The following ZSCAN18 variants were observed in gnomAD, a reference collection of about 807,000 sequenced individuals.
The protein encoded by ZSCAN18 is zinc finger and SCAN domain containing 18.
Under a neutral mutation model 31.1 loss-of-function variants are expected in ZSCAN18, and 16 were observed. The observed-to-expected ratio is 0.51, with a 90% CI of 0.35 to 0.78. The LOEUF is 0.78. Among genes scored for constraint, ZSCAN18 ranks in the 30% least tolerant of loss-of-function variants. The pLI is 0.01. For missense variants in ZSCAN18, 731 were observed against 697.4 expected (o/e 1.05, Z -0.54); for synonymous variants, 375 against 320.7 (o/e 1.17, Z -1.81).
At chr19:58,100,637 C>T (rs1011563537), upstream of ZSCAN18, among the ~76,000 whole-genome samples, 1 of 151,944 alleles carries the variant, frequency 6.6e-6, no homozygotes, top group African/African-American at 2.4e-5. Flanking sequence ...GGGCCAGGCG[C>T]GGTGGCTCAT....
chr19:58,111,877 T>C (rs535429329), intron 1 of ZSCAN18, among the ~76,000 whole-genome samples: 1 of 152,322 alleles, frequency 6.6e-6, no homozygotes, highest in East Asian at 1.9e-4. Flanking sequence ...GTAGGACTGT[T>C]CATGGAATGC....
chr19:58,095,048 T>C (rs73941504), intron 1 of ZSCAN18, among the ~76,000 whole-genome samples: 8,276 of 152,160 alleles, frequency 0.054, 749 homozygotes, highest in African/African-American at 0.19. Flanking sequence ...CACAGCAAGA[T>C]CCTGTCTCTA....
intron 1 of ZSCAN18, among the ~76,000 whole-genome samples, chr19:58,112,356 A>G (rs2074690078): frequency 6.6e-6 from 1 of 152,126 alleles, no homozygotes; most frequent in Non-Finnish European, 1.5e-5. Flanking sequence ...GCATGATTAA[A>G]AAACATACTC....
chr19:58,090,660 G>A lies in ZSCAN18; in HGVS notation c.-119-274C>T. 3.2e-6 allele frequency: 1 copy of A among 310,360 alleles called. No individual in the cohort carries two copies. The allele number at this position is 310,360 out of a possible 1,614,324, so 19.2% of individuals were successfully genotyped here. On this transcript the variant is annotated intron_variant, in intron 1 of 6. Transcript: ENST00000601144. The surrounding 1 kb of genome is among the most constrained non-coding windows in gnomAD (Gnocchi z 4.7). The stretch of plus-strand genomic sequence containing the variant: ...GCTGGAGTGCAGTGGCGCAATCTCG[G>A]CTCAATGCAACCTCTACCTCCCGGG...
At chr19:58,108,469 T>C (rs2074653409) in intron 1 of ZSCAN18, 1 of 985,572 alleles carries the variant, frequency 1.0e-6, no homozygotes, top group South Asian at 4.7e-5. Context: ...TTGGTAAAGG[T>C]GGAGCCAGCA....
intron 1 of ZSCAN18, chr19:58,092,598 A>C (rs2074436283): frequency 8.7e-6 from 5 of 577,196 alleles, no homozygotes; most frequent in Non-Finnish European, 1.1e-5. Flanking sequence ...AAAAAAAAGA[A>C]CCAGAAGTTT....
At chr19:58,093,788 C>T (rs1423997337) in intron 1 of ZSCAN18, among the ~76,000 whole-genome samples, 2 of 151,566 alleles carry the variant, frequency 1.3e-5, no homozygotes, top group African/African-American at 2.4e-5. Context: ...TTTTTGGAGA[C>T]GGAGTCTCGC....
At position 58,085,227 on chromosome 19, in the gene ZSCAN18, T is replaced by G. The variant is rs1046391060; in HGVS notation, c.991A>C (p.Lys331Gln). The G allele has an allele frequency of 1.2e-6, 2 of 1,607,796 alleles. No homozygotes were observed. The highest frequency in any genetic ancestry group is 2.7e-5 in the African/African-American group (2 of 74,828). Reference sequence around the variant, plus strand: ...TGGGGGTCCTGCGGGTCCGGGGCCTTCCCAGGCTGCTCTTCCTCCTCCTCA... The same window carrying G: ...TGGGGGTCCTGCGGGTCCGGGGCCTGCCCAGGCTGCTCTTCCTCCTCCTCA... Reference protein sequence around the residue: ...TTEEEEEQPGKAPDPQDPQDA... With the variant: ...TTEEEEEQPGQAPDPQDPQDA... The change falls in exon 7 of 7, where the codon AAG becomes CAG. Residue 331 changes from lysine (K) to glutamine (Q), a missense_variant. Physicochemically the swap from Lys to Gln is moderately conservative, Grantham distance 53. Around this residue, in one of 4 missense-constraint regions of ZSCAN18, gnomAD observed 597 missense variants for 499.5 expected, o/e 1.20. Transcript: ENST00000601144.
chr19:58,112,460 C>A (rs1482284259), intron 1 of ZSCAN18, among the ~76,000 whole-genome samples: 1 of 151,578 alleles, frequency 6.6e-6, no homozygotes, highest in Non-Finnish European at 1.5e-5. Flanking sequence ...ATCATCCTGG[C>A]TAACACAGTG....
At chr19:58,109,063 G>A in intron 1 of ZSCAN18, 1 of 1,225,390 alleles carries the variant, frequency 8.2e-7, no homozygotes, top group Non-Finnish European at 1.0e-6. Flanking sequence ...GACCACAATG[G>A]TCATGGTGAC....
At chr19:58,097,260 G>C (rs1471749810) in intron 1 of ZSCAN18, among the ~76,000 whole-genome samples, 1 of 152,116 alleles carries the variant, frequency 6.6e-6, no homozygotes, top group African/African-American at 2.4e-5. Context: ...GAAGACAGGA[G>C]AGGAAGGAGC....
intron 3 of ZSCAN18, 79 bp from the exon 4 acceptor site, chr19:58,087,483 G>A: frequency 2.3e-6 from 3 of 1,292,714 alleles, no homozygotes; most frequent in Non-Finnish European, 3.2e-6. Context: ...AGCCCCCGCT[G>A]CCTCCCACAC....
rs770981151 is a variant in ZSCAN18 at position 58,084,970 on chromosome 19, G to A, written c.1248C>T (p.Gly416=). ...GLSRGKPYAC[G]ECGEAFAWLS... is the part of the protein sequence containing the mutation. ...GCCACGCGAAGGCCTCCCCGCACTC[G>A]CCGCAGGCATAGGGCTTCCCGCGGG... The change falls in exon 7 of 7, where the codon GGC becomes GGT. Residue 416 remains glycine, a synonymous_variant. Transcript: ENST00000601144. This position sits in a 1 kb window ranked among gnomAD's most constrained non-coding sequence, Gnocchi z 4.5. 1.9e-6 allele frequency: 3 copies of A among 1,599,298 alleles called. No homozygotes were observed. The South Asian group carries it at 3.4e-5, about 18-fold the overall frequency.
intron 3 of ZSCAN18, 168 bp from the exon 4 acceptor site, chr19:58,087,572 C>T (rs1463521057): frequency 5.8e-5 from 36 of 617,170 alleles, no homozygotes; most frequent in South Asian, 5.2e-4. Flanking sequence ...CAAAGCAGCG[C>T]GGTGGCCACA....
upstream of ZSCAN18, among the ~76,000 whole-genome samples, chr19:58,101,299 A>ATTTTTTTTT (rs71188078): frequency 1.2e-3 from 133 of 108,370 alleles, no homozygotes; most frequent in Non-Finnish European, 1.3e-3. Context: ...TGCCCAGCTA[A>ATTTTTTTTT]TTTTTTTTTT....
chr19:58,104,590 T>A lies in ZSCAN18; in HGVS notation c.130+13677A>T, dbSNP rs542095506. 3.6e-4 allele frequency among the ~76,000 whole-genome samples: 54 copies of A among 151,940 alleles called. No homozygotes were observed. The East Asian group carries it at 0.01, about 28-fold the overall frequency. ...GGTGGCAAGTGCCTGTAATCCCTGC[T>A]ACTCAAGAGGCTGAGGCATGAGAAT... On this transcript the variant is annotated intron_variant, in intron 1 of 1. Coordinates refer to the ZSCAN18 transcript ENST00000595721.
Position 58,084,356 on chromosome 19 carries a change from G to A in ZSCAN18, c.*329C>T, listed in dbSNP as rs1381704536. ...CTTGAAGAAAGCACTGGCAGATCAC[G>A]CACTTTAAGGCAACTCTACACTGCA... On this transcript the variant is annotated 3_prime_UTR_variant, in exon 7 of 7. Transcript: ENST00000601144. The surrounding 1 kb of genome is among the most constrained non-coding windows in gnomAD (Gnocchi z 4.5). The A allele has an allele frequency of 7.7e-6, 2 of 258,300 alleles. No individual in the cohort carries two copies. Among genetic ancestry groups the A allele is most frequent in the East Asian group, 1.4e-4 (2 of 14,266 alleles). The allele number at this position is 258,300 out of a possible 1,614,324, so 16.0% of individuals were successfully genotyped here. A position where few individuals can be genotyped will look rare whatever the true frequency, so the allele number is the denominator to read the frequency against.
chr19:58,095,883 C>T (rs970412902), intron 1 of ZSCAN18, among the ~76,000 whole-genome samples: 7 of 152,192 alleles, frequency 4.6e-5, no homozygotes, highest in Non-Finnish European at 8.8e-5. Flanking sequence ...TCTCCTAAAA[C>T]GCCCAACTCC....
chr19:58,091,751 C>A lies in ZSCAN18; in HGVS notation c.-119-1365G>T, dbSNP rs557030354. ...CACAGCTGTCCAGGCCTCCAGTCGG[C>A]CTCGGGCTCTCATGTCACTGGCTAT... On this transcript the variant is annotated intron_variant, in intron 1 of 6. Coordinates refer to ENST00000601144, the MANE Select transcript of ZSCAN18 (RefSeq NM_001145543.2). Among the ~76,000 whole-genome samples, 191 of 152,304 alleles carry A rather than the reference C, an allele frequency of 1.3e-3. 1 individual carries two copies. Among genetic ancestry groups the A allele is most frequent in the African/African-American group, 4.5e-3 (187 of 41,564 alleles).
Sources: allele counts gnomAD v4.1 joint callset (sites outside exome capture counted in the v4.1 genomes callset), GRCh38; gene constraint gnomAD v4.1.1; regional missense constraint gnomAD v4.1.1; non-coding constraint Gnocchi (gnomAD v3.1); transcripts MANE v1.5; gene names NCBI Gene and HGNC (gene_info 2026-07-23, HGNC 2026-07-21).